EPB41L4A: variants seen among roughly 807,000 people sequenced by gnomAD.
The protein encoded by EPB41L4A is erythrocyte membrane protein band 4.1 like 4A.
EPB41L4A carries 100 observed loss-of-function variants against 108.6 expected under a neutral mutation model. The observed-to-expected ratio is 0.92, with a 90% CI of 0.78 to 1.09. The LOEUF is 1.09. Among genes scored for constraint, EPB41L4A ranks in the 50% least tolerant of loss-of-function variants. The probability of loss-of-function intolerance (pLI) is 0.00; values close to 1 mark genes in which losing one functional copy is unlikely to be tolerated. For missense variants in EPB41L4A, 1,030 were observed against 842.7 expected (o/e 1.22, Z -2.75); for synonymous variants, 319 against 289.0 (o/e 1.10, Z -1.05).
Position 112,265,563 on chromosome 5 carries a change from G to GC in EPB41L4A, c.434-548dup, listed in dbSNP as rs1193166743. ...GCTTCTTCCTATGTTAATCTACCTT[G>GC]CAAGCCCCAACCCACTTCATCTATG... is the stretch of plus-strand genomic sequence containing the variant. On this transcript the variant is annotated intron_variant, in intron 5 of 22. Transcript: ENST00000261486. Among the ~76,000 whole-genome samples the GC allele has an allele frequency of 3.9e-5, 6 of 152,266 alleles. No individual in the cohort carries two copies. In the East Asian group the frequency reaches 1.2e-3, roughly 29 times the overall value.
intron 2 of EPB41L4A, among the ~76,000 whole-genome samples, chr5:112,298,498 T>C (rs919878467): frequency 4.6e-5 from 7 of 152,212 alleles, no homozygotes; most frequent in African/African-American, 1.7e-4. Context: ...TATTGACTTG[T>C]GTATGTTAAA....
intron 9 of EPB41L4A, among the ~76,000 whole-genome samples, chr5:112,246,451 T>A (rs565893446): frequency 6.6e-6 from 1 of 152,246 alleles, no homozygotes; most frequent in Admixed American, 6.5e-5. Flanking sequence ...GAAAGGAAAT[T>A]AAATTTGGGG....
At chr5:112,240,130 A>T (rs894564686) in intron 10 of EPB41L4A, among the ~76,000 whole-genome samples, 1 of 152,080 alleles carries the variant, frequency 6.6e-6, no homozygotes, top group African/African-American at 2.4e-5. Context: ...GTTTCCCAGG[A>T]TACAACACAC....
At chr5:112,277,334 AT>A (rs1380513973) in intron 3 of EPB41L4A, among the ~76,000 whole-genome samples, 1 of 152,230 alleles carries the variant, frequency 6.6e-6, no homozygotes, top group Non-Finnish European at 1.5e-5. Context: ...AATGTTCAGT[AT>A]GAACAGTTAA....
chr5:112,399,937 C>A (rs1761626157), intron 1 of EPB41L4A, among the ~76,000 whole-genome samples: 1 of 152,226 alleles, frequency 6.6e-6, no homozygotes, highest in Non-Finnish European at 1.5e-5. Flanking sequence ...CAATATCACA[C>A]TACCAGCCCT....
At chr5:112,303,830 C>A (rs1313453769) in intron 2 of EPB41L4A, among the ~76,000 whole-genome samples, 2 of 151,900 alleles carry the variant, frequency 1.3e-5, no homozygotes, top group African/African-American at 4.8e-5. Context: ...CTGAAGTTTA[C>A]GCGTGATGCA....
At chr5:112,278,119 T>C (rs966884755) in intron 3 of EPB41L4A, among the ~76,000 whole-genome samples, 1 of 152,246 alleles carries the variant, frequency 6.6e-6, no homozygotes, top group African/African-American at 2.4e-5. Context: ...ATTCTCTTTC[T>C]GACTAATCTA....
intron 1 of EPB41L4A, among the ~76,000 whole-genome samples, chr5:112,362,743 A>T (rs990435471): frequency 1.3e-5 from 2 of 152,220 alleles, no homozygotes; most frequent in African/African-American, 2.4e-5. Flanking sequence ...AATCATTAAC[A>T]ATACTTTACT....
At chr5:112,168,968 A>T (rs1561444614) in intron 21 of EPB41L4A, 27 bp downstream of exon 21, 1 of 1,556,642 alleles carries the variant, frequency 6.4e-7, no homozygotes, top group South Asian at 1.1e-5. Context: ...CATGATGGTG[A>T]TGGTGTACTC....
intron 1 of EPB41L4A, among the ~76,000 whole-genome samples, chr5:112,398,892 G>T (rs1761554996): frequency 6.6e-6 from 1 of 150,980 alleles, no homozygotes; most frequent in Non-Finnish European, 1.5e-5. Flanking sequence ...TTCACTGCCA[G>T]GATGTTTTCT....
rs534635733 is a variant in EPB41L4A at position 112,191,301 on chromosome 5, G to GC, written c.1502+3266dup. On this transcript the variant is annotated intron_variant, in intron 17 of 22. Coordinates refer to ENST00000261486, the MANE Select transcript of EPB41L4A (RefSeq NM_022140.5). Reference sequence around the variant, plus strand: ...CAGTTAGGGCACAATTAACACAAGGGCCCTTACACACAGAGCCTTGTTAGC... The same window carrying GC: ...CAGTTAGGGCACAATTAACACAAGGGCCCCTTACACACAGAGCCTTGTTAGC... Among the ~76,000 whole-genome samples, 872 of 152,272 alleles carry GC rather than the reference G, an allele frequency of 5.7e-3. 3 individuals are homozygous for GC. Among genetic ancestry groups the GC allele is most frequent in the Middle Eastern group, 0.014 (4 of 294 alleles).
upstream of EPB41L4A, chr5:112,419,912 A>T: frequency 2.2e-6 from 1 of 456,530 alleles, no homozygotes. Context: ...CAGGACATTC[A>T]GCAAAGCGGG....
intron 1 of EPB41L4A, among the ~76,000 whole-genome samples, chr5:112,389,809 T>C (rs1760810319): frequency 6.6e-6 from 1 of 152,202 alleles, no homozygotes; most frequent in Non-Finnish European, 1.5e-5. Context: ...GACAATGTAA[T>C]ATACGTTATC....
intron 2 of EPB41L4A, among the ~76,000 whole-genome samples, chr5:112,290,848 T>C (rs1013780096): frequency 6.6e-6 from 1 of 152,114 alleles, no homozygotes; most frequent in Non-Finnish European, 1.5e-5. Flanking sequence ...GTAAGCAGGG[T>C]CCAGGTGCCC....
intron 9 of EPB41L4A, among the ~76,000 whole-genome samples, chr5:112,243,137 C>T (rs1749922610): frequency 6.7e-6 from 1 of 149,802 alleles, no homozygotes; most frequent in Non-Finnish European, 1.5e-5. Flanking sequence ...TGGCTTGAAT[C>T]CGGGAGGCAG....
chr5:112,223,681 G>A (rs910263978), intron 12 of EPB41L4A, among the ~76,000 whole-genome samples: 8 of 152,178 alleles, frequency 5.3e-5, no homozygotes, highest in Non-Finnish European at 1.0e-4. Flanking sequence ...ACTTCCAAAA[G>A]AAGGAGCAGG....
chr5:112,145,918 A>AT (rs1561426024), exon 13 of EPB41L4A: 1 of 456,826 alleles, frequency 2.2e-6, no homozygotes, highest in South Asian at 1.5e-5. Context: ...GAAGTGTATT[A>AT]TGAGAGACCT....
intron 18 of EPB41L4A, among the ~76,000 whole-genome samples, chr5:112,179,446 T>C (rs1309003310): frequency 6.6e-6 from 1 of 152,052 alleles, no homozygotes; most frequent in Non-Finnish European, 1.5e-5. Flanking sequence ...TAATGCCAAA[T>C]AGAATCCAGC....
At position 112,271,148 on chromosome 5, in the gene EPB41L4A, T is replaced by G. The variant is rs1225011542; in HGVS notation, c.335+4178A>C. On this transcript the variant is annotated intron_variant, in intron 4 of 22. Transcript: ENST00000261486. The stretch of plus-strand genomic sequence containing the variant: ...GTTACTGAATGAAGTGTAAGGGCAT[T>G]CTGTCTTGACATACAAATTCAAGAA... Among the ~76,000 whole-genome samples the G allele has an allele frequency of 2.0e-5, 3 of 152,186 alleles. No homozygotes were observed. In the East Asian group the frequency reaches 5.8e-4, roughly 29 times the overall value.
Sources: gnomAD v4.1 joint callset for allele counts (sites outside exome capture counted in the v4.1 genomes callset) on GRCh38, gnomAD v4.1.1 for gene constraint, MANE v1.5 for transcripts, NCBI Gene and HGNC (gene_info 2026-07-23, HGNC 2026-07-21) for gene names.